MTA1: variants seen among roughly 807,000 people sequenced by gnomAD.
The protein encoded by MTA1 is metastasis associated 1.
Under a neutral mutation model 97.0 loss-of-function variants are expected in MTA1, and 15 were observed. That is an observed-to-expected ratio of 0.15 (90% CI 0.10 to 0.24). The LOEUF (loss-of-function observed/expected upper bound fraction) is 0.24, where lower values mean the gene tolerates loss of function less well. MTA1 is among the 10% of genes least tolerant of loss of function. The probability of loss-of-function intolerance (pLI) is 1.00; values close to 1 mark genes in which losing one functional copy is unlikely to be tolerated. For synonymous variants in MTA1, 435 were observed against 417.5 expected (o/e 1.04, Z -0.51); for missense variants, 709 against 1,015.1 (o/e 0.70, Z 4.10).
At position 105,470,283 on chromosome 14, in the gene MTA1, G is replaced by A. The variant is rs1446118430; in HGVS notation, c.*68G>A. 18 of 1,158,216 alleles carry A rather than the reference G, an allele frequency of 1.6e-5. No individual in the cohort carries two copies. The Admixed American group carries it at 4.6e-4, about 30-fold the overall frequency. The allele number at this position is 1,158,216 out of a possible 1,614,324, so 71.7% of individuals were successfully genotyped here. A position where few individuals can be genotyped will look rare whatever the true frequency, so the allele number is the denominator to read the frequency against. On this transcript the variant is annotated 3_prime_UTR_variant, in exon 21 of 21. Transcript: ENST00000331320. The stretch of plus-strand genomic sequence containing the variant: ...CACACGGCCCCTTCCCAGCCAGCCC[G>A]CCGCCCGCCCCTCAGTTTGGTAGTG...
chr14:105,451,659 G>A (rs1457518498), intron 6 of MTA1, among the ~76,000 whole-genome samples: 2 of 152,188 alleles, frequency 1.3e-5, no homozygotes, highest in Admixed American at 6.6e-5. Flanking sequence ...AAGCCTGTCT[G>A]CACTGTGTCC....
In MTA1 at chr14:105,420,254, A is replaced by C. The variant is rs1555420522; in HGVS notation, c.28+191A>C. 1.4e-5 allele frequency among the ~76,000 whole-genome samples: 2 copies of C among 143,852 alleles called. No homozygotes were observed. The highest frequency in any genetic ancestry group is 2.5e-5 in the African/African-American group (1 of 40,080). The allele number at this position is 143,852 out of a possible 152,430, so 94.4% of individuals were successfully genotyped here. On this transcript the variant is annotated intron_variant, in intron 1 of 20. Transcript: ENST00000331320. The surrounding 1 kb of genome is among the most constrained non-coding windows in gnomAD (Gnocchi z 5.3). ...CAAAATGGCCCCGCGGGTCGGCCCCATCGGGGGCGGGCGGGGCTCGGCGGC... is the reference window on the plus strand; with the variant it reads ...CAAAATGGCCCCGCGGGTCGGCCCCCTCGGGGGCGGGCGGGGCTCGGCGGC...
At chr14:105,450,697 G>A (rs1212858884) in intron 6 of MTA1, among the ~76,000 whole-genome samples, 1 of 152,286 alleles carries the variant, frequency 6.6e-6, no homozygotes, top group Non-Finnish European at 1.5e-5. Flanking sequence ...CAGAGTCCTG[G>A]TAGGCCCACC....
At chr14:105,464,303 A>G (rs1369666772) in intron 13 of MTA1, 113 bp from the exon 14 acceptor site, 1 of 1,268,640 alleles carries the variant, frequency 7.9e-7, no homozygotes, top group African/African-American at 1.6e-5. Flanking sequence ...GCCTCGGGGA[A>G]CGTGTGGGGG....
chr14:105,436,730 A>G (rs1555424458), intron 1 of MTA1, among the ~76,000 whole-genome samples: 1 of 152,072 alleles, frequency 6.6e-6, no homozygotes, highest in Non-Finnish European at 1.5e-5. Flanking sequence ...TTTTTCCCCC[A>G]TTTTTTGGCA....
chr14:105,458,237 C>T (rs782435131), intron 7 of MTA1, 33 bp from the exon 8 acceptor site: 7 of 1,592,720 alleles, frequency 4.4e-6, no homozygotes, highest in South Asian at 1.1e-5. Context: ...CCGTGGGACC[C>T]CGTCTCAGAA....
intron 3 of MTA1, among the ~76,000 whole-genome samples, chr14:105,447,468 CA>C: frequency 6.6e-6 from 1 of 152,322 alleles, no homozygotes; most frequent in East Asian, 1.9e-4. Context: ...TCAGACGCCC[CA>C]GAGGATGGCC....
chr14:105,427,233 C>T (rs2082039957), intron 1 of MTA1, among the ~76,000 whole-genome samples: 1 of 152,258 alleles, frequency 6.6e-6, no homozygotes, highest in Admixed American at 6.5e-5. Flanking sequence ...GCTAAAAGCC[C>T]AAGTTGCGTG....
chr14:105,449,888 C>T (rs1003375287), intron 4 of MTA1, among the ~76,000 whole-genome samples, 170 bp from the exon 5 acceptor site: 1 of 152,060 alleles, frequency 6.6e-6, no homozygotes, highest in Non-Finnish European at 1.5e-5. Context: ...GCCAAGGAGC[C>T]GCCGGGCCGC....
chr14:105,456,212 G>A (rs1555429884), intron 7 of MTA1, among the ~76,000 whole-genome samples: 1 of 152,252 alleles, frequency 6.6e-6, no homozygotes, highest in African/African-American at 2.4e-5. Flanking sequence ...GGCAGAGTCC[G>A]TGGCTGGGAG....
Position 105,420,145 on chromosome 14 carries a change from T to G in MTA1, c.28+82T>G, listed in dbSNP as rs2141372019. 5.9e-6 allele frequency: 4 copies of G among 673,870 alleles called. No homozygotes were observed. The highest frequency in any genetic ancestry group is 1.3e-4 in the Admixed American group (2 of 15,178). The allele number at this position is 673,870 out of a possible 1,614,324, so 41.7% of individuals were successfully genotyped here. A position where few individuals can be genotyped will look rare whatever the true frequency, so the allele number is the denominator to read the frequency against. ...GCCGCTGCCGCCTCCCCCGCCCCTC[T>G]GCCCCGCAGGCCCCGCGCCCCCCGC... On this transcript the variant is annotated intron_variant, in intron 1 of 20. Coordinates refer to ENST00000331320, the MANE Select transcript of MTA1 (RefSeq NM_004689.4). The surrounding 1 kb of genome is among the most constrained non-coding windows in gnomAD (Gnocchi z 5.3).
intron 2 of MTA1, among the ~76,000 whole-genome samples, chr14:105,444,260 A>G (rs1231587209): frequency 3.3e-5 from 5 of 151,860 alleles, no homozygotes; most frequent in Non-Finnish European, 7.4e-5. Flanking sequence ...CTGTAGTCCC[A>G]GCTACTCGGG....
In MTA1 at chr14:105,463,990, G is replaced by T. The variant is rs782586723; in HGVS notation, c.1077-42G>T. On this transcript the variant is annotated intron_variant, in intron 12 of 20. Coordinates refer to ENST00000331320, the MANE Select transcript of MTA1 (RefSeq NM_004689.4). The surrounding 1 kb of genome is among the most constrained non-coding windows in gnomAD (Gnocchi z 5.9). ...CTGGGCACATGGGCCCTCGAGGTTTGTGCTCCTGCAACTCCTCTCGTCTCT... is the reference window on the plus strand; with the variant it reads ...CTGGGCACATGGGCCCTCGAGGTTTTTGCTCCTGCAACTCCTCTCGTCTCT... 6.2e-7 allele frequency: 1 copy of T among 1,601,466 alleles called. No individual in the cohort carries two copies. The highest frequency in any genetic ancestry group is 1.3e-5 in the African/African-American group (1 of 74,862).
chr14:105,440,420 C>T (rs915717346), intron 2 of MTA1, among the ~76,000 whole-genome samples: 2 of 152,236 alleles, frequency 1.3e-5, no homozygotes, highest in Admixed American at 6.5e-5. Flanking sequence ...TGGCAGGCAA[C>T]CCGGGGCGGG....
intron 1 of MTA1, among the ~76,000 whole-genome samples, chr14:105,429,751 C>CATTT (rs2082123264): frequency 7.9e-5 from 1 of 12,640 alleles, no homozygotes; most frequent in Non-Finnish European, 1.6e-4. Flanking sequence ...CTGCGCCCGG[C>CATTT]CTTTTTTTTT....
chr14:105,468,086 C>A, intron 18 of MTA1: 1 of 349,998 alleles, frequency 2.9e-6, no homozygotes, highest in South Asian at 2.1e-5. Context: ...GGAGAGGGGC[C>A]AGCTGGGTGA....
intron 6 of MTA1, among the ~76,000 whole-genome samples, chr14:105,453,151 C>G (rs944969938): frequency 2.0e-5 from 3 of 152,256 alleles, no homozygotes; most frequent in African/African-American, 7.2e-5. Context: ...AGCCTGGGGG[C>G]CCTGGTGTGA....
intron 1 of MTA1, among the ~76,000 whole-genome samples, chr14:105,425,613 G>T (rs947989232): frequency 6.6e-6 from 1 of 151,982 alleles, no homozygotes; most frequent in African/African-American, 2.4e-5. Flanking sequence ...GTCTTTCCTC[G>T]TGTGCTACCT....
At chr14:105,429,217 C>A (rs1307741712) in intron 1 of MTA1, among the ~76,000 whole-genome samples, 2 of 152,208 alleles carry the variant, frequency 1.3e-5, no homozygotes, top group African/African-American at 4.8e-5. Flanking sequence ...CCCATCCCGG[C>A]ACTTCAGCTT....
Sources: allele counts gnomAD v4.1 joint callset (sites outside exome capture counted in the v4.1 genomes callset), GRCh38; gene constraint gnomAD v4.1.1; non-coding constraint Gnocchi (gnomAD v3.1); transcripts MANE v1.5; gene names NCBI Gene and HGNC (gene_info 2026-07-23, HGNC 2026-07-21).